Variants in STYX observed in about 807,000 individuals in gnomAD.
The protein encoded by STYX is serine/threonine/tyrosine-interacting protein.
A neutral mutation model predicts 42.7 loss-of-function variants in STYX; 20 were observed. The observed-to-expected ratio is 0.47, with a 90% CI of 0.33 to 0.68. STYX has a LOEUF of 0.68. STYX is among the 30% of genes least tolerant of loss of function. STYX has a pLI of 0.02. For synonymous variants in STYX, 78 were observed against 81.9 expected, an observed-to-expected ratio of 0.95 and a Z score of 0.26; for missense variants, 226 against 268.5, an observed-to-expected ratio of 0.84 and a Z score of 1.11.
intron 1 of STYX, among the ~76,000 whole-genome samples, chr14:52,741,226 A>ATTT (rs201773174): frequency 9.9e-6 from 1 of 101,454 alleles, no homozygotes; most frequent in South Asian, 3.2e-4. Context: ...ATATATATAT[A>ATTT]TATATTTTTT....
intron 2 of STYX, 94 bp downstream of exon 2, chr14:52,744,978 CT>C: frequency 9.8e-7 from 1 of 1,017,184 alleles, no homozygotes; most frequent in Non-Finnish European, 1.5e-6. Context: ...ATTTCATGAT[CT>C]GTAGGTTCAT....
Position 52,756,448 on chromosome 14 carries a change from TTTGCATTC to T in STYX, c.243-98_243-91del, listed in dbSNP as rs1446482280. 10 of 687,440 alleles carry T rather than the reference TTTGCATTC, an allele frequency of 1.5e-5. No individual in the cohort carries two copies. The East Asian group carries it at 3.0e-4, about 20-fold the overall frequency. The allele number at this position is 687,440 out of a possible 1,614,324, so 42.6% of individuals were successfully genotyped here. A position where few individuals can be genotyped will look rare whatever the true frequency, so the allele number is the denominator to read the frequency against. On this transcript the variant is annotated intron_variant, in intron 4 of 10. Coordinates refer to ENST00000354586, the MANE Select transcript of STYX (RefSeq NM_145251.4). The stretch of plus-strand genomic sequence containing the variant: ...GGGAATATGATACTTTGAAAGTTGT[TTTGCATTC>T]TTGCCATGGTTAACAAGAAATAATG...
intron 9 of STYX, among the ~76,000 whole-genome samples, chr14:52,765,207 A>G (rs1019102489): frequency 3.3e-5 from 5 of 151,860 alleles, no homozygotes; most frequent in Non-Finnish European, 7.4e-5. Context: ...GATATTAAAT[A>G]TTTTTTGTTT....
intron 6 of STYX, among the ~76,000 whole-genome samples, 193 bp downstream of exon 6, chr14:52,757,548 A>G (rs921477931): frequency 2.6e-5 from 4 of 152,262 alleles, no homozygotes; most frequent in African/African-American, 7.2e-5. Flanking sequence ...ACTGTTTTCA[A>G]ATTCTCTGTG....
At chr14:52,750,893 T>C (rs1881585763) in intron 4 of STYX, 113 bp downstream of exon 4, 4 of 544,542 alleles carry the variant, frequency 7.3e-6, no homozygotes, top group Non-Finnish European at 1.2e-5. Context: ...ATATAGTACA[T>C]AGTTTTTTAA....
Position 52,771,931 on chromosome 14 carries a change from T to G in STYX, c.*825T>G, listed in dbSNP as rs1462764965. 1 of 152,548 alleles carries G rather than the reference T, an allele frequency of 6.6e-6. No individual in the cohort carries two copies. Among genetic ancestry groups the G allele is most frequent in the South Asian group, 2.1e-4 (1 of 4,830 alleles). The allele number at this position is 152,548 out of a possible 1,614,324, so 9.4% of individuals were successfully genotyped here. On this transcript the variant is annotated 3_prime_UTR_variant, in exon 11 of 11. Transcript: ENST00000354586. ...TGGCAGTAAAAGCCAAACGTTGTAT[T>G]TGTTCTTTTCAGAGTTGTCCAGCCC...
rs182039712 is a variant in STYX, at chr14:52,752,112, A to G, written c.242+1332A>G. Among the ~76,000 whole-genome samples the G allele has an allele frequency of 4.2e-3, 629 of 151,490 alleles. 2 individuals carry two copies. The highest frequency in any genetic ancestry group is 5.5e-3 in the Non-Finnish European group (373 of 67,828). On this transcript the variant is annotated intron_variant, in intron 4 of 10. Transcript: ENST00000354586. ...AAGGCAGAGGTTACAGTGAGCCGAG[A>G]TCACACCACTGCACTCCAGCCTGGG...
chr14:52,758,796 G>T (rs1190930956), intron 8 of STYX, among the ~76,000 whole-genome samples: 3 of 151,974 alleles, frequency 2.0e-5, no homozygotes, highest in East Asian at 1.9e-4. Flanking sequence ...GGATGGTCTC[G>T]ATTTCTTGAC....
intron 1 of STYX, among the ~76,000 whole-genome samples, chr14:52,740,969 T>C (rs1412326002): frequency 6.6e-6 from 1 of 152,192 alleles, no homozygotes; most frequent in African/African-American, 2.4e-5. Context: ...TTCCTTGCTC[T>C]TGAACTTGAT....
At chr14:52,755,335 A>G (rs1881821361) in intron 4 of STYX, among the ~76,000 whole-genome samples, 1 of 151,792 alleles carries the variant, frequency 6.6e-6, no homozygotes, top group African/African-American at 2.4e-5. Context: ...GTTGGCCAGG[A>G]TGGTCTTGAA....
rs1333049674 is a variant in STYX, at chr14:52,774,305, T to C, written c.*3199T>C. 2.0e-5 allele frequency: 3 copies of C among 152,178 alleles called. No homozygotes were observed. The highest frequency in any genetic ancestry group is 7.2e-5 in the African/African-American group (3 of 41,448). 9.4% of individuals were successfully genotyped at this position (152,178 alleles called of 1,614,324 possible). A position where few individuals can be genotyped will look rare whatever the true frequency, so the allele number is the denominator to read the frequency against. ...TGGTAATTCAAGTGAATTAGAAATA[T>C]TTAACTGCAATCTTGAATTATAAAG... On this transcript the variant is annotated 3_prime_UTR_variant, in exon 11 of 11. Coordinates refer to ENST00000354586, the MANE Select transcript of STYX (RefSeq NM_145251.4).
At chr14:52,735,173 T>C (rs1248247507) in intron 1 of STYX, among the ~76,000 whole-genome samples, 3 of 152,228 alleles carry the variant, frequency 2.0e-5, no homozygotes, top group African/African-American at 4.8e-5. Flanking sequence ...TGAGTTCTTA[T>C]CTCTACTTTC....
At chr14:52,737,919 G>A (rs1594864130) in intron 1 of STYX, among the ~76,000 whole-genome samples, 2 of 152,126 alleles carry the variant, frequency 1.3e-5, no homozygotes, top group East Asian at 3.9e-4. Flanking sequence ...GGGACTACAG[G>A]CGCCCGCCAC....
chr14:52,766,384 G>A (rs1437073046), intron 9 of STYX, among the ~76,000 whole-genome samples: 8 of 152,126 alleles, frequency 5.3e-5, no homozygotes, highest in Admixed American at 2.6e-4. Flanking sequence ...AGCCAGGCTG[G>A]TCTGGAACTG....
At chr14:52,741,562 C>T (rs982591474) in intron 1 of STYX, among the ~76,000 whole-genome samples, 2 of 152,012 alleles carry the variant, frequency 1.3e-5, no homozygotes, top group Admixed American at 6.6e-5. Context: ...CTCAGCCTCC[C>T]GGGTAGCTGG....
chr14:52,765,214 G>A (rs2139933552), intron 9 of STYX, among the ~76,000 whole-genome samples: 1 of 151,892 alleles, frequency 6.6e-6, no homozygotes, highest in Admixed American at 6.5e-5. Context: ...AATATTTTTT[G>A]TTTGTTTTTT....
rs1043502288 is a variant in STYX at position 52,766,228 on chromosome 14, G to A, written c.505-2612G>A. 2.0e-5 allele frequency among the ~76,000 whole-genome samples: 3 copies of A among 152,180 alleles called. No homozygotes were observed. In the East Asian group the frequency reaches 5.8e-4, roughly 29 times the overall value. On this transcript the variant is annotated intron_variant, in intron 9 of 10. Coordinates refer to ENST00000354586, the MANE Select transcript of STYX (RefSeq NM_145251.4). ...GTTGCCCAAGTTAGAGTGCAATGGG[G>A]CAATCTTGGCTCACTGCAACCTCTG...
chr14:52,732,099 T>TG (rs1361478183), intron 1 of STYX, among the ~76,000 whole-genome samples: 6 of 54,076 alleles, frequency 1.1e-4, no homozygotes, highest in African/African-American at 3.8e-4. Flanking sequence ...TGGTTTTTTT[T>TG]TTTTTTTTTT....
At chr14:52,759,892 ATCTC>A in intron 9 of STYX, 138 bp downstream of exon 9, 1 of 621,314 alleles carries the variant, frequency 1.6e-6, no homozygotes, top group Admixed American at 3.0e-5. Context: ...TCAAGTTTAT[ATCTC>A]TATTTAGAAG....
Sources: gnomAD v4.1 joint callset for allele counts (sites outside exome capture counted in the v4.1 genomes callset) on GRCh38, gnomAD v4.1.1 for gene constraint, MANE v1.5 for transcripts, NCBI Gene and HGNC (gene_info 2026-07-23, HGNC 2026-07-21) for gene names.